The following FBXO28 variants were observed in gnomAD, a reference collection of about 807,000 sequenced individuals.
FBXO28 encodes the protein F-box protein 28, also known as F-box only protein 28.
In FBXO28, 8 loss-of-function variants were observed where a neutral mutation model predicts 38.1. The ratio of observed to expected loss-of-function variants is 0.21; its 90% CI spans 0.12 to 0.38. The LOEUF (loss-of-function observed/expected upper bound fraction) is 0.38, where lower values mean the gene tolerates loss of function less well. FBXO28 is among the 10% of genes least tolerant of loss of function. FBXO28 has a pLI of 1.00. For synonymous variants in FBXO28, 168 were observed against 173.8 expected (o/e 0.97, Z 0.26); for missense variants, 345 against 460.6 (o/e 0.75, Z 2.30).
At chr1:224,138,850 C>T (rs1168803659) in intron 3 of FBXO28, among the ~76,000 whole-genome samples, 2 of 151,700 alleles carry the variant, frequency 1.3e-5, no homozygotes, top group Non-Finnish European at 2.9e-5. Context: ...GCTGGAGTCT[C>T]GGCTTACTGC....
chr1:224,158,548 GCCTCTA>G lies in FBXO28; in HGVS notation c.*803_*808del, dbSNP rs1657823719. 1 of 152,522 alleles carries G rather than the reference GCCTCTA, an allele frequency of 6.6e-6. No individual in the cohort carries two copies. The highest frequency in any genetic ancestry group is 1.5e-5 in the Non-Finnish European group (1 of 68,044). 9.4% of individuals were successfully genotyped at this position (152,522 alleles called of 1,614,324 possible). ...TTAACATCTTCCACCGCAACAGCTT[GCCTCTA>G]GAGGGGGAATTGTTCATCCATTTGT... On this transcript the variant is annotated 3_prime_UTR_variant, in exon 5 of 5. Transcript: ENST00000366862.
rs1384661179 is a variant in FBXO28, at chr1:224,153,186, C to G, written c.561C>G (p.Thr187=). Residue 187 remains threonine, a synonymous_variant, in exon 4 of 5, where the codon ACC becomes ACG. Coordinates refer to ENST00000366862, the MANE Select transcript of FBXO28 (RefSeq NM_015176.4). The part of the protein sequence containing the change: ...IYRVLRYVNS[T]RAPQRAHEVL... ...GTGTGTTGAGATATGTCAATTCTACCAGAGCCCCTCAACGAGCTCATGAAG... is the reference window on the plus strand; with the variant it reads ...GTGTGTTGAGATATGTCAATTCTACGAGAGCCCCTCAACGAGCTCATGAAG... 6.2e-7 allele frequency: 1 copy of G among 1,608,426 alleles called. No homozygotes were observed. Among genetic ancestry groups the G allele is most frequent in the East Asian group, 2.2e-5 (1 of 44,734 alleles).
chr1:224,139,063 G>GCC (rs1657269690), intron 3 of FBXO28, among the ~76,000 whole-genome samples: 2 of 151,708 alleles, frequency 1.3e-5, no homozygotes, highest in African/African-American at 2.4e-5. Context: ...GATTACAGAT[G>GCC]TGAGCCACTG....
At chr1:224,130,838 C>T (rs1657022202) in intron 2 of FBXO28, 1 of 359,734 alleles carries the variant, frequency 2.8e-6, no homozygotes, top group Non-Finnish European at 5.1e-6. Flanking sequence ...AAATAGAACT[C>T]TCTGTTCACA....
rs888303447 is a variant in FBXO28, at chr1:224,158,875, T to C, written c.*1129T>C. Reference sequence around the variant, plus strand: ...ATTATTTCATTTCTGGAGGATGACCTTGAGGGAAGCTTTTTAATATTAGTT... The same window carrying C: ...ATTATTTCATTTCTGGAGGATGACCCTGAGGGAAGCTTTTTAATATTAGTT... On this transcript the variant is annotated 3_prime_UTR_variant, in exon 5 of 5. Coordinates refer to ENST00000366862, the MANE Select transcript of FBXO28 (RefSeq NM_015176.4). 6.6e-6 allele frequency: 1 copy of C among 152,650 alleles called. No individual in the cohort carries two copies. Among genetic ancestry groups the C allele is most frequent in the African/African-American group, 2.4e-5 (1 of 41,464 alleles). The allele number at this position is 152,650 out of a possible 1,614,324, so 9.5% of individuals were successfully genotyped here.
At chr1:224,128,110 A>C (rs1656947426) in intron 1 of FBXO28, among the ~76,000 whole-genome samples, 1 of 152,082 alleles carries the variant, frequency 6.6e-6, no homozygotes, top group Non-Finnish European at 1.5e-5. Flanking sequence ...GGAGAAAACA[A>C]ACTTACATCA....
At chr1:224,143,850 GA>G (rs1051263951) in intron 3 of FBXO28, among the ~76,000 whole-genome samples, 3 of 120,354 alleles carry the variant, frequency 2.5e-5, no homozygotes, top group African/African-American at 9.7e-5. Flanking sequence ...AAAAAAAAAA[GA>G]AAAATGAATG....
intron 1 of FBXO28, among the ~76,000 whole-genome samples, chr1:224,118,485 T>C (rs191664406): frequency 6.6e-6 from 1 of 152,194 alleles, no homozygotes; most frequent in Admixed American, 6.5e-5. Flanking sequence ...AAAGGTTAAG[T>C]TGAGAATTCT....
In FBXO28 at chr1:224,161,707, C is replaced by T. The variant is rs1657910087; in HGVS notation, c.*3961C>T. ...CTTAAGTACTGCTGTCCTTTTGCAT[C>T]TTCCTAAGCATCTTGGTTAAATTTC... On this transcript the variant is annotated 3_prime_UTR_variant, in exon 5 of 5. Transcript: ENST00000366862. 1 of 152,168 alleles carries T rather than the reference C, an allele frequency of 6.6e-6. No individual in the cohort carries two copies. The highest frequency in any genetic ancestry group is 1.5e-5 in the Non-Finnish European group (1 of 68,020). The allele number at this position is 152,168 out of a possible 1,614,324, so 9.4% of individuals were successfully genotyped here. A position where few individuals can be genotyped will look rare whatever the true frequency, so the allele number is the denominator to read the frequency against.
At chr1:224,146,702 ATTTTTTTT>A (rs5781350) in intron 3 of FBXO28, among the ~76,000 whole-genome samples, 1 of 110,322 alleles carries the variant, frequency 9.1e-6, no homozygotes, top group Admixed American at 1.1e-4. Flanking sequence ...TAAAACTAAA[ATTTTTTTT>A]TTTTTTTTTT....
At chr1:224,114,467 T>C in intron 1 of FBXO28, 71 bp downstream of exon 1, 1 of 1,331,954 alleles carries the variant, frequency 7.5e-7, no homozygotes, top group Non-Finnish European at 1.0e-6. Flanking sequence ...AGGGAGCGCG[T>C]TCCCCGGGAA....
intron 2 of FBXO28, among the ~76,000 whole-genome samples, chr1:224,133,869 A>T (rs1037910277): frequency 6.6e-6 from 1 of 151,970 alleles, no homozygotes; most frequent in Non-Finnish European, 1.5e-5. Context: ...TTGTTTTCAA[A>T]TATTTTGTCA....
chr1:224,135,032 A>G (rs1284376512), intron 3 of FBXO28, among the ~76,000 whole-genome samples: 2 of 152,146 alleles, frequency 1.3e-5, no homozygotes, highest in South Asian at 2.1e-4. Context: ...TTTCTTTGAC[A>G]TTTATTTTTG....
chr1:224,146,810 C>T (rs1183921533), intron 3 of FBXO28, among the ~76,000 whole-genome samples: 14 of 146,706 alleles, frequency 9.5e-5, no homozygotes, highest in Admixed American at 5.0e-4. Flanking sequence ...CAGGTTCAAG[C>T]GATTCTTCTG....
rs1166256334 is a variant in FBXO28, at chr1:224,161,800, T to C, written c.*4054T>C. ...AAGAGAACCATGACATTTAGAAGTA[T>C]ATTGGTAATCTATTAGGTCCATTGG... is the stretch of plus-strand genomic sequence containing the variant. On this transcript the variant is annotated 3_prime_UTR_variant, in exon 5 of 5. Transcript: ENST00000366862. 6.6e-6 allele frequency: 1 copy of C among 152,218 alleles called. No homozygotes were observed. Among genetic ancestry groups the C allele is most frequent in the Non-Finnish European group, 1.5e-5 (1 of 68,040 alleles). 9.4% of individuals were successfully genotyped at this position (152,218 alleles called of 1,614,324 possible).
At position 224,160,458 on chromosome 1, in the gene FBXO28, G is replaced by A. The variant is rs187517505; in HGVS notation, c.*2712G>A. 3 of 152,222 alleles carry A rather than the reference G, an allele frequency of 2.0e-5. No individual in the cohort carries two copies. The East Asian group carries it at 5.8e-4, about 29-fold the overall frequency. The allele number at this position is 152,222 out of a possible 1,614,324, so 9.4% of individuals were successfully genotyped here. Reference sequence around the variant, plus strand: ...ATTCTGGTACAGCGCTGCACACATGGATAGCAATGTGAAAAGGCATGCCTA... The same window carrying A: ...ATTCTGGTACAGCGCTGCACACATGAATAGCAATGTGAAAAGGCATGCCTA... On this transcript the variant is annotated 3_prime_UTR_variant, in exon 5 of 5. Transcript: ENST00000366862.
At chr1:224,152,204 TA>T (rs1236253952) in intron 3 of FBXO28, among the ~76,000 whole-genome samples, 10 of 151,832 alleles carry the variant, frequency 6.6e-5, no homozygotes, top group Non-Finnish European at 1.3e-4. Flanking sequence ...CAATTATCAT[TA>T]AAACAAAAAA....
At chr1:224,154,847 G>A (rs1657736680) in intron 4 of FBXO28, among the ~76,000 whole-genome samples, 1 of 149,658 alleles carries the variant, frequency 6.7e-6, no homozygotes, top group Admixed American at 6.7e-5. Context: ...GCGTGGTGAC[G>A]CATGTCTGTA....
chr1:224,120,567 A>G (rs1233400679), intron 1 of FBXO28, among the ~76,000 whole-genome samples: 2 of 152,216 alleles, frequency 1.3e-5, no homozygotes, highest in Non-Finnish European at 2.9e-5. Context: ...AATAGAAAAT[A>G]TATGTCATTG....
Sources: allele counts gnomAD v4.1 joint callset (sites outside exome capture counted in the v4.1 genomes callset), GRCh38; gene constraint gnomAD v4.1.1; transcripts MANE v1.5; gene names NCBI Gene and HGNC (gene_info 2026-07-23, HGNC 2026-07-21).